The following CSMD1 variants were observed in gnomAD, a reference collection of about 807,000 sequenced individuals.
The protein encoded by CSMD1 is CUB and Sushi multiple domains 1, also known as CUB and sushi domain-containing protein 1.
In CSMD1, 213 loss-of-function variants were observed where a neutral mutation model predicts 417.5. The ratio of observed to expected loss-of-function variants is 0.51; its 90% CI spans 0.46 to 0.57. The LOEUF is 0.57. Among genes scored for constraint, CSMD1 ranks in the 20% least tolerant of loss-of-function variants. The pLI, the probability that CSMD1 is intolerant of heterozygous loss-of-function variation, is 0.00. For missense variants in CSMD1, 6,923 were observed against 4,529.7 expected (o/e 1.53, Z -15.17); for synonymous variants, 2,862 against 1,736.8 (o/e 1.65, Z -16.11).
chr8:3,667,454 TG>T (rs987416911), intron 7 of CSMD1, among the ~76,000 whole-genome samples: 27 of 152,022 alleles, frequency 1.8e-4, no homozygotes, highest in African/African-American at 5.8e-4. Flanking sequence ...GGCAAGGCCT[TG>T]GGGCACTACA....
At chr8:3,647,662 G>A (rs952947603) in intron 7 of CSMD1, among the ~76,000 whole-genome samples, 5 of 152,166 alleles carry the variant, frequency 3.3e-5, no homozygotes, top group African/African-American at 1.2e-4. Context: ...CAAATTTTGT[G>A]AATTTGAAAG....
At chr8:3,481,145 A>G (rs956063003) in intron 11 of CSMD1, among the ~76,000 whole-genome samples, 1 of 125,240 alleles carries the variant, frequency 8.0e-6, no homozygotes, top group East Asian at 2.5e-4. Context: ...ACAGAGCGAG[A>G]CTCCATCTCA....
intron 10 of CSMD1, among the ~76,000 whole-genome samples, chr8:3,506,581 C>T (rs1183947988): frequency 1.3e-5 from 2 of 152,192 alleles, no homozygotes; most frequent in Non-Finnish European, 2.9e-5. Flanking sequence ...TCTTCAACCA[C>T]GCCTCTAAAT....
chr8:4,583,734 T>C (rs1332394127), intron 2 of CSMD1, among the ~76,000 whole-genome samples: 2 of 151,894 alleles, frequency 1.3e-5, no homozygotes, highest in Non-Finnish European at 2.9e-5. Flanking sequence ...CAGCACCCTG[T>C]CAAAACAGAC....
At chr8:4,653,068 G>A (rs534131688) in intron 1 of CSMD1, among the ~76,000 whole-genome samples, 11 of 152,112 alleles carry the variant, frequency 7.2e-5, no homozygotes, top group East Asian at 3.9e-4. Context: ...TGGGGACCCC[G>A]CTCTAGAGGA....
chr8:3,455,731 G>T (rs972674847), intron 12 of CSMD1, among the ~76,000 whole-genome samples: 3 of 152,230 alleles, frequency 2.0e-5, no homozygotes, highest in Admixed American at 2.0e-4. Context: ...TACTGGGGAT[G>T]CGTCCCAGTT....
At chr8:4,708,669 G>C (rs575776665) in intron 1 of CSMD1, among the ~76,000 whole-genome samples, 1 of 150,896 alleles carries the variant, frequency 6.6e-6, no homozygotes, top group African/African-American at 2.5e-5. Flanking sequence ...ATCCTAACCA[G>C]ATTCATTTTT....
At chr8:3,446,905 CTAAT>C (rs1563398391) in intron 12 of CSMD1, among the ~76,000 whole-genome samples, 1 of 152,094 alleles carries the variant, frequency 6.6e-6, no homozygotes, top group Non-Finnish European at 1.5e-5. Flanking sequence ...AATTAAAGCA[CTAAT>C]TGAGTTGGGG....
At position 3,151,529 on chromosome 8, in the gene CSMD1, G is replaced by T. The variant is rs753072288; in HGVS notation, c.5915-16C>A. On this transcript the variant is annotated splice_polypyrimidine_tract_variant and intron_variant, in intron 39 of 69. Transcript: ENST00000635120. Reference sequence around the variant, plus strand: ...CCACAGGTTGCTGTTAAGTGGACAAGATGTCAGTCCTGCAGGTCCTCACTT... The same window carrying T: ...CCACAGGTTGCTGTTAAGTGGACAATATGTCAGTCCTGCAGGTCCTCACTT... The T allele has an allele frequency of 1.0e-5, 16 of 1,535,976 alleles. No homozygotes were observed. Among genetic ancestry groups the T allele is most frequent in the Non-Finnish European group, 1.4e-5 (16 of 1,113,146 alleles).
chr8:4,786,824 T>G (rs972727496), intron 1 of CSMD1, among the ~76,000 whole-genome samples: 1 of 152,140 alleles, frequency 6.6e-6, no homozygotes, highest in Non-Finnish European at 1.5e-5. Context: ...AAGACTGAGG[T>G]CTACACAATT....
At chr8:4,357,733 G>A (rs185888349) in intron 3 of CSMD1, among the ~76,000 whole-genome samples, 1 of 152,148 alleles carries the variant, frequency 6.6e-6, no homozygotes, top group East Asian at 1.9e-4. Context: ...AGATACTCAA[G>A]CCAAAATTTT....
intron 49 of CSMD1, among the ~76,000 whole-genome samples, chr8:3,081,568 G>C (rs1259476515): frequency 1.3e-5 from 2 of 152,046 alleles, no homozygotes; most frequent in East Asian, 1.9e-4. Context: ...TTTAACATTT[G>C]CATTAGTAAT....
intron 26 of CSMD1, among the ~76,000 whole-genome samples, chr8:3,244,527 A>G (rs1799755139): frequency 6.6e-6 from 1 of 152,212 alleles, no homozygotes; most frequent in Non-Finnish European, 1.5e-5. Flanking sequence ...TTTACACTGT[A>G]CATACATCTG....
intron 6 of CSMD1, among the ~76,000 whole-genome samples, chr8:3,709,680 G>GTGTTTTTTTTTT (rs1801387434): frequency 3.0e-5 from 1 of 33,694 alleles, no homozygotes; most frequent in East Asian, 1.5e-3. Flanking sequence ...GCAGCAGCAT[G>GTGTTTTTTTTTT]TTTTTTTTTT....
chr8:3,696,537 T>C (rs1228878936), intron 7 of CSMD1, among the ~76,000 whole-genome samples: 2 of 152,212 alleles, frequency 1.3e-5, no homozygotes, highest in Non-Finnish European at 2.9e-5. Context: ...AATCATTTGG[T>C]GTAATTAAAT....
At chr8:3,732,994 C>A (rs1365005165) in intron 6 of CSMD1, among the ~76,000 whole-genome samples, 1 of 152,004 alleles carries the variant, frequency 6.6e-6, no homozygotes, top group East Asian at 1.9e-4. Flanking sequence ...TACCTACCTA[C>A]CTAAAGATAC....
chr8:4,321,347 C>T (rs1422127497), intron 3 of CSMD1, among the ~76,000 whole-genome samples: 1 of 152,116 alleles, frequency 6.6e-6, no homozygotes, highest in Non-Finnish European at 1.5e-5. Flanking sequence ...CTTCTCTCCT[C>T]TCCCGCGCTG....
At chr8:4,544,042 C>T (rs62484746) in intron 2 of CSMD1, among the ~76,000 whole-genome samples, 40,282 of 151,994 alleles carry the variant, frequency 0.27, 5,891 homozygotes, top group East Asian at 0.39. Context: ...ATCAGAAATC[C>T]GTTTTTGCAA....
chr8:4,304,219 C>T (rs1012187390), intron 3 of CSMD1, among the ~76,000 whole-genome samples: 1 of 152,054 alleles, frequency 6.6e-6, no homozygotes, highest in Non-Finnish European at 1.5e-5. Context: ...AGATTTAAAG[C>T]TGTTTTATTC....
Sources: allele counts gnomAD v4.1 joint callset (sites outside exome capture counted in the v4.1 genomes callset), GRCh38; gene constraint gnomAD v4.1.1; transcripts MANE v1.5; gene names NCBI Gene and HGNC (gene_info 2026-07-23, HGNC 2026-07-21).